The following RGS17 variants were observed in gnomAD, a reference collection of about 807,000 sequenced individuals.
The protein encoded by RGS17 is regulator of G-protein signaling 17.
RGS17 carries 12 observed loss-of-function variants against 25.5 expected under a neutral mutation model. That is an observed-to-expected ratio of 0.47 (90% confidence interval 0.30 to 0.76). RGS17 has a LOEUF of 0.76. Ranked by LOEUF, RGS17 falls within the 30% of genes least tolerant of loss-of-function variation. RGS17 has a pLI of 0.07. For synonymous variants in RGS17, 71 were observed against 76.9 expected, an observed-to-expected ratio of 0.92 and a Z score of 0.40; for missense variants, 196 against 242.2, an observed-to-expected ratio of 0.81 and a Z score of 1.27.
At chr6:153,055,968 A>G (rs1194190639) in intron 1 of RGS17, among the ~76,000 whole-genome samples, 1 of 152,224 alleles carries the variant, frequency 6.6e-6, no homozygotes, top group Non-Finnish European at 1.5e-5. Context: ...AAATGTAAGG[A>G]TATGAACTTG....
At chr6:153,063,558 T>A (rs143035274) in intron 1 of RGS17, among the ~76,000 whole-genome samples, 1 of 151,746 alleles carries the variant, frequency 6.6e-6, no homozygotes, top group African/African-American at 2.4e-5. Context: ...GAAAAAAGAA[T>A]AAAAAACAAT....
Position 153,077,886 on chromosome 6 carries a change from T to A in RGS17, c.-25-33843A>T, listed in dbSNP as rs959364608. Reference sequence around the variant, plus strand: ...ACTTACAGTATCTTTTTTATTTTTTTTTTTTGAGACAGAGACTCGCTCCAT... The same window carrying A: ...ACTTACAGTATCTTTTTTATTTTTTATTTTTGAGACAGAGACTCGCTCCAT... On this transcript the variant is annotated intron_variant, in intron 1 of 4. Transcript: ENST00000206262. Among the ~76,000 whole-genome samples the A allele has an allele frequency of 9.2e-5, 14 of 152,152 alleles. No homozygotes were observed. In the East Asian group the frequency reaches 1.7e-3, roughly 19 times the overall value.
intron 1 of RGS17, among the ~76,000 whole-genome samples, chr6:153,078,627 T>C (rs1479369029): frequency 3.3e-5 from 5 of 151,972 alleles, no homozygotes; most frequent in Non-Finnish European, 1.5e-5. Flanking sequence ...ATTAATGTGA[T>C]ATATTGAGTA....
chr6:153,113,771 A>C (rs570951742), intron 1 of RGS17, among the ~76,000 whole-genome samples: 1 of 152,322 alleles, frequency 6.6e-6, no homozygotes, highest in African/African-American at 2.4e-5. Flanking sequence ...CGGGATTAAG[A>C]AACTCACTCC....
At chr6:153,075,705 G>C (rs1423165329) in intron 1 of RGS17, among the ~76,000 whole-genome samples, 1 of 152,078 alleles carries the variant, frequency 6.6e-6, no homozygotes, top group Non-Finnish European at 1.5e-5. Flanking sequence ...CTGTGCATCT[G>C]TCAAAAAAAT....
At chr6:153,020,130 ATATATATATTTTTTTTTTTT>A (rs1779230150) in intron 4 of RGS17, among the ~76,000 whole-genome samples, 2 of 89,342 alleles carry the variant, frequency 2.2e-5, no homozygotes, top group South Asian at 4.1e-4. Context: ...ATATATATAT[ATATATATATTTTTTTTTTTT>A]TTTTTTTTTT....
chr6:153,041,808 T>C (rs1342463342), intron 2 of RGS17, among the ~76,000 whole-genome samples: 1 of 152,212 alleles, frequency 6.6e-6, no homozygotes, highest in Non-Finnish European at 1.5e-5. Context: ...CACAAACTGA[T>C]CTTTTTTTAA....
intron 2 of RGS17, among the ~76,000 whole-genome samples, chr6:153,028,284 A>G (rs1390002754): frequency 3.9e-5 from 6 of 152,184 alleles, no homozygotes; most frequent in Non-Finnish European, 8.8e-5. Flanking sequence ...GGGAGCAGAA[A>G]CTAGAGTGGA....
intron 4 of RGS17, among the ~76,000 whole-genome samples, chr6:153,013,414 A>G (rs994737788): frequency 6.6e-6 from 1 of 152,126 alleles, no homozygotes; most frequent in Non-Finnish European, 1.5e-5. Flanking sequence ...AGGCCTCCCT[A>G]TTTCCCACAG....
At chr6:153,052,518 G>A (rs1695664393) in intron 1 of RGS17, among the ~76,000 whole-genome samples, 3 of 151,712 alleles carry the variant, frequency 2.0e-5, no homozygotes, top group Admixed American at 6.6e-5. Flanking sequence ...AGCAAAAATC[G>A]CAATTACTTT....
chr6:153,107,550 A>T (rs73785752), intron 1 of RGS17, among the ~76,000 whole-genome samples: 3,562 of 151,970 alleles, frequency 0.023, 113 homozygotes, highest in African/African-American at 0.072. Context: ...GTAAAAAAAA[A>T]ATTCAAGTAC....
chr6:153,072,453 G>A (rs1177765529), intron 1 of RGS17, among the ~76,000 whole-genome samples: 3 of 152,120 alleles, frequency 2.0e-5, no homozygotes, highest in Non-Finnish European at 2.9e-5. Context: ...TACAACTCTC[G>A]TAACAAACCT....
At chr6:153,061,421 A>G (rs1776636339) in intron 1 of RGS17, among the ~76,000 whole-genome samples, 1 of 152,170 alleles carries the variant, frequency 6.6e-6, no homozygotes, top group Non-Finnish European at 1.5e-5. Context: ...GATTCATAAA[A>G]CTGTTTTTCA....
At chr6:153,096,540 T>C (rs1777216143) in intron 1 of RGS17, among the ~76,000 whole-genome samples, 1 of 152,174 alleles carries the variant, frequency 6.6e-6, no homozygotes, top group Admixed American at 6.5e-5. Context: ...TGGGCTTCCT[T>C]TTCACTTTTC....
chr6:153,090,972 A>G (rs1777123007), intron 1 of RGS17, among the ~76,000 whole-genome samples: 2 of 152,234 alleles, frequency 1.3e-5, no homozygotes, highest in South Asian at 2.1e-4. Flanking sequence ...CAATAAGAAC[A>G]TTTAACAAAG....
intron 4 of RGS17, among the ~76,000 whole-genome samples, chr6:153,016,232 C>T (rs950301509): frequency 6.6e-6 from 1 of 152,132 alleles, no homozygotes; most frequent in African/African-American, 2.4e-5. Context: ...TTTTCCCCAA[C>T]GTTTTTATTT....
At chr6:153,085,127 G>A (rs577942302) in intron 1 of RGS17, among the ~76,000 whole-genome samples, 1 of 152,170 alleles carries the variant, frequency 6.6e-6, no homozygotes, top group Non-Finnish European at 1.5e-5. Context: ...AGGACATACT[G>A]TTTGTTTTAC....
chr6:153,090,828 A>G (rs1777119578), intron 1 of RGS17, among the ~76,000 whole-genome samples: 1 of 147,094 alleles, frequency 6.8e-6, no homozygotes, highest in Non-Finnish European at 1.5e-5. Context: ...CACAGCACAT[A>G]CAGGGTTCAG....
chr6:153,092,409 A>G (rs538618106), intron 1 of RGS17, among the ~76,000 whole-genome samples: 22 of 152,320 alleles, frequency 1.4e-4, no homozygotes, highest in African/African-American at 4.8e-4. Flanking sequence ...TCTTACCAAT[A>G]TGTTTCATGA....
Sources: allele counts gnomAD v4.1 joint callset (sites outside exome capture counted in the v4.1 genomes callset), GRCh38; gene constraint gnomAD v4.1.1; transcripts MANE v1.5; gene names NCBI Gene and HGNC (gene_info 2026-07-23, HGNC 2026-07-21).